Variants in COMMD1 observed in about 807,000 individuals in gnomAD.
COMMD1 encodes COMM domain-containing protein 1.
In COMMD1, 10 loss-of-function variants were observed where a neutral mutation model predicts 17.2. The ratio of observed to expected loss-of-function variants is 0.58; its 90% CI spans 0.36 to 0.99. The LOEUF (loss-of-function observed/expected upper bound fraction) is 0.99. Among genes scored for constraint, COMMD1 ranks in the 50% least tolerant of loss-of-function variants. The pLI is 0.01. For synonymous variants in COMMD1, 97 were observed against 91.6 expected (o/e 1.06, Z -0.34); for missense variants, 270 against 231.8 (o/e 1.17, Z -1.07).
Position 61,945,827 on chromosome 2 carries a change from C to T in COMMD1, c.180+39969C>T, listed in dbSNP as rs1670890825. On this transcript the variant is annotated intron_variant, in intron 1 of 2. Transcript: ENST00000311832. The stretch of plus-strand genomic sequence containing the variant: ...CTCATTGGCAGTTGGTTGAAAGTCA[C>T]TGTCGGTAGAAAGGAATGTCTGGGT... 2.0e-5 allele frequency among the ~76,000 whole-genome samples: 3 copies of T among 152,314 alleles called. No homozygotes were observed. The South Asian group carries it at 6.2e-4, about 32-fold the overall frequency.
At chr2:62,023,543 G>C (rs1346264494) in intron 2 of COMMD1, among the ~76,000 whole-genome samples, 1 of 151,902 alleles carries the variant, frequency 6.6e-6, no homozygotes, top group East Asian at 1.9e-4. Flanking sequence ...GAGTGCAGTG[G>C]AGCAATCTTG....
In COMMD1 at chr2:61,921,058, A is replaced by G. The variant is rs143812955; in HGVS notation, c.180+15200A>G. ...AGAGGTGGGATCTCGGCTCACTGCA[A>G]CCTTCACCTCCCGGGTTCAAATGAT... On this transcript the variant is annotated intron_variant, in intron 1 of 2. Transcript: ENST00000311832. 3.7e-4 allele frequency among the ~76,000 whole-genome samples: 56 copies of G among 149,416 alleles called. 2 individuals are homozygous for G. The East Asian group carries it at 0.01, about 27-fold the overall frequency.
intron 2 of COMMD1, among the ~76,000 whole-genome samples, chr2:62,005,108 A>G (rs1669073751): frequency 1.3e-5 from 2 of 152,334 alleles, no homozygotes. Context: ...AGCCAATTAC[A>G]TAAGAATCTG....
chr2:62,063,447 C>A (rs890813402), intron 2 of COMMD1, among the ~76,000 whole-genome samples: 7 of 152,068 alleles, frequency 4.6e-5, no homozygotes, highest in African/African-American at 1.4e-4. Context: ...GCCTCAGCCT[C>A]CCAAAGTGCT....
intron 2 of COMMD1, among the ~76,000 whole-genome samples, chr2:62,048,710 T>G (rs1484347560): frequency 1.3e-5 from 2 of 152,054 alleles, no homozygotes; most frequent in East Asian, 3.8e-4. Context: ...AATTGATGTA[T>G]AATTGGCATT....
chr2:62,027,129 A>G (rs1194291982), intron 2 of COMMD1, among the ~76,000 whole-genome samples: 1 of 152,218 alleles, frequency 6.6e-6, no homozygotes, highest in Non-Finnish European at 1.5e-5. Context: ...CTAAAAGTGT[A>G]AATCCCAATC....
chr2:62,083,677 A>G (rs1335800015), intron 2 of COMMD1, among the ~76,000 whole-genome samples: 1 of 152,220 alleles, frequency 6.6e-6, no homozygotes, highest in Non-Finnish European at 1.5e-5. Flanking sequence ...ATCTCATTAG[A>G]TTCACATTAA....
chr2:62,043,138 A>G (rs1670286204), intron 2 of COMMD1, among the ~76,000 whole-genome samples: 1 of 152,226 alleles, frequency 6.6e-6, no homozygotes, highest in African/African-American at 2.4e-5. Flanking sequence ...TGGAAATACC[A>G]GCTAAGCCAG....
At chr2:62,101,208 C>T (rs1470902973) in intron 2 of COMMD1, among the ~76,000 whole-genome samples, 1 of 152,086 alleles carries the variant, frequency 6.6e-6, no homozygotes, top group Non-Finnish European at 1.5e-5. Context: ...CCAACCAATT[C>T]TCTGATTCTC....
At chr2:62,001,265 A>T (rs1483188349) in intron 2 of COMMD1, among the ~76,000 whole-genome samples, 5 of 152,190 alleles carry the variant, frequency 3.3e-5, no homozygotes, top group Non-Finnish European at 5.9e-5. Flanking sequence ...TAGATCTCAA[A>T]ATCCTTGGCA....
chr2:62,122,236 G>A (rs1056414065), intron 2 of COMMD1, among the ~76,000 whole-genome samples: 1 of 152,130 alleles, frequency 6.6e-6, no homozygotes, highest in Non-Finnish European at 1.5e-5. Context: ...AAATGCTTAA[G>A]TGCTGGCGCT....
At chr2:61,916,426 A>C (rs1314043281) in intron 1 of COMMD1, among the ~76,000 whole-genome samples, 1 of 151,374 alleles carries the variant, frequency 6.6e-6, no homozygotes, top group Non-Finnish European at 1.5e-5. Context: ...TTGCTTTTTA[A>C]ATTTTATTTA....
chr2:62,083,094 A>G (rs1345138722), intron 2 of COMMD1, among the ~76,000 whole-genome samples: 1 of 152,178 alleles, frequency 6.6e-6, no homozygotes, highest in Admixed American at 6.5e-5. Context: ...CCCCATCTCT[A>G]CAAAAAATTT....
chr2:61,928,306 A>G (rs1670379046), intron 1 of COMMD1, among the ~76,000 whole-genome samples: 1 of 151,846 alleles, frequency 6.6e-6, no homozygotes. Context: ...GATTACAGGC[A>G]TGTGCTACCA....
intron 2 of COMMD1, among the ~76,000 whole-genome samples, chr2:62,085,831 A>G (rs1671650927): frequency 6.6e-6 from 1 of 151,308 alleles, no homozygotes. Flanking sequence ...AATACAAAAA[A>G]TTAGCGGGGC....
intron 2 of COMMD1, among the ~76,000 whole-genome samples, chr2:62,026,627 C>T (rs1669764058): frequency 6.6e-6 from 1 of 152,166 alleles, no homozygotes; most frequent in Admixed American, 6.5e-5. Flanking sequence ...CTATATCTTA[C>T]CCCTTGATAC....
chr2:61,896,023 A>G (rs1029917363), intron 1 of COMMD1, among the ~76,000 whole-genome samples: 1 of 152,168 alleles, frequency 6.6e-6, no homozygotes, highest in Non-Finnish European at 1.5e-5. Context: ...CAGGGACCCA[A>G]TAGGAGAAGG....
intron 1 of COMMD1, among the ~76,000 whole-genome samples, chr2:61,999,408 C>T (rs1668858662): frequency 6.6e-6 from 1 of 152,112 alleles, no homozygotes; most frequent in Non-Finnish European, 1.5e-5. Flanking sequence ...TGTGAATGAG[C>T]TGTTTGGCTG....
chr2:62,114,415 A>G (rs117938801), intron 2 of COMMD1, among the ~76,000 whole-genome samples: 5 of 152,356 alleles, frequency 3.3e-5, no homozygotes, highest in South Asian at 2.1e-4. Context: ...GGGCAAGGGA[A>G]TTATGGAAAT....
Sources: gnomAD v4.1 joint callset for allele counts (sites outside exome capture counted in the v4.1 genomes callset) on GRCh38, gnomAD v4.1.1 for gene constraint, MANE v1.5 for transcripts, NCBI Gene and HGNC (gene_info 2026-07-23, HGNC 2026-07-21) for gene names.